The following STK3 variants were observed in gnomAD, a reference collection of about 807,000 sequenced individuals.
STK3 encodes serine/threonine-protein kinase 3.
STK3 carries 41 observed loss-of-function variants against 58.0 expected under a neutral mutation model. The ratio of observed to expected loss-of-function variants is 0.71; its 90% confidence interval spans 0.55 to 0.92. STK3 has a LOEUF of 0.92. Among genes scored for constraint, STK3 ranks in the 40% least tolerant of loss-of-function variants. STK3 has a pLI of 0.00. For synonymous variants in STK3, 170 were observed against 191.0 expected, an observed-to-expected ratio of 0.89 and a Z score of 0.91; for missense variants, 479 against 602.7, an observed-to-expected ratio of 0.79 and a Z score of 2.15.
intron 8 of STK3, among the ~76,000 whole-genome samples, chr8:98,572,279 C>T (rs1042543842): frequency 2.0e-5 from 3 of 152,132 alleles, no homozygotes; most frequent in African/African-American, 7.2e-5. Context: ...TAAACTAGTA[C>T]TAACTGCACA....
At chr8:98,599,676 A>G (rs1816165415) in intron 6 of STK3, among the ~76,000 whole-genome samples, 1 of 152,190 alleles carries the variant, frequency 6.6e-6, no homozygotes, top group Non-Finnish European at 1.5e-5. Context: ...TGTTAATATA[A>G]AAATGTGAAT....
At chr8:98,932,433 A>G (rs1234226390) in intron 1 of STK3, among the ~76,000 whole-genome samples, 1 of 152,220 alleles carries the variant, frequency 6.6e-6, no homozygotes, top group East Asian at 1.9e-4. Flanking sequence ...AGAGCAAGTC[A>G]AGTATATAAC....
intron 3 of STK3, among the ~76,000 whole-genome samples, chr8:98,858,321 T>TAGAGAG (rs1404140117): frequency 0.01 from 324 of 31,844 alleles, 3 homozygotes; most frequent in South Asian, 0.022. Flanking sequence ...TATATATATA[T>TAGAGAG]ATAGAGAGAG....
At chr8:98,835,517 T>TG (rs1835714179) in intron 3 of STK3, among the ~76,000 whole-genome samples, 1 of 152,226 alleles carries the variant, frequency 6.6e-6, no homozygotes, top group Non-Finnish European at 1.5e-5. Flanking sequence ...CATCAGCCTT[T>TG]GGTTCCTGCA....
At chr8:98,736,830 T>C (rs1038372028) in intron 4 of STK3, among the ~76,000 whole-genome samples, 1 of 152,182 alleles carries the variant, frequency 6.6e-6, no homozygotes, top group African/African-American at 2.4e-5. Context: ...AAGCTCACTA[T>C]ATATAAATAT....
At chr8:98,858,502 T>A (rs1836799709) in intron 3 of STK3, among the ~76,000 whole-genome samples, 1 of 150,880 alleles carries the variant, frequency 6.6e-6, no homozygotes, top group Non-Finnish European at 1.5e-5. Context: ...TGTACCTGTA[T>A]CTTATGTTTA....
At chr8:98,620,613 AT>A (rs1469600458) in intron 6 of STK3, among the ~76,000 whole-genome samples, 3 of 151,648 alleles carry the variant, frequency 2.0e-5, no homozygotes, top group Non-Finnish European at 4.4e-5. Flanking sequence ...TGTAGGACAC[AT>A]GCTGCTACTT....
chr8:98,641,883 C>A (rs536477432), intron 6 of STK3, among the ~76,000 whole-genome samples: 1 of 152,264 alleles, frequency 6.6e-6, no homozygotes, highest in South Asian at 2.1e-4. Context: ...CCCAATACAG[C>A]TTTATATCTA....
chr8:98,912,364 TGA>T (rs1839173203), intron 1 of STK3, among the ~76,000 whole-genome samples: 2 of 150,864 alleles, frequency 1.3e-5, no homozygotes, highest in African/African-American at 2.4e-5. Context: ...GGTGACAGAG[TGA>T]GACTGCATCT....
chr8:98,609,069 C>A (rs1816979490), intron 6 of STK3, among the ~76,000 whole-genome samples: 1 of 152,164 alleles, frequency 6.6e-6, no homozygotes, highest in African/African-American at 2.4e-5. Flanking sequence ...GCCAACTGAT[C>A]TTCCTTAGAA....
chr8:98,740,741 A>C (rs184629224), intron 4 of STK3, among the ~76,000 whole-genome samples: 3 of 152,342 alleles, frequency 2.0e-5, no homozygotes, highest in Admixed American at 6.5e-5. Flanking sequence ...TTCACATATA[A>C]CAATATTAAC....
At chr8:98,685,967 A>G (rs1212698204) in intron 6 of STK3, among the ~76,000 whole-genome samples, 1 of 152,222 alleles carries the variant, frequency 6.6e-6, no homozygotes, top group East Asian at 1.9e-4. Flanking sequence ...ATATGATCTT[A>G]TGTAATTTGA....
downstream of STK3, among the ~76,000 whole-genome samples, chr8:98,453,565 G>A (rs548510090): frequency 1.3e-5 from 2 of 152,234 alleles, no homozygotes; most frequent in Non-Finnish European, 2.9e-5. Flanking sequence ...AAATATATGT[G>A]TGTATTTGTG....
chr8:98,737,100 T>C (rs1042822305), intron 4 of STK3, among the ~76,000 whole-genome samples: 9 of 152,208 alleles, frequency 5.9e-5, no homozygotes, highest in African/African-American at 2.2e-4. Flanking sequence ...ATTAACAATT[T>C]AAAGATAAGC....
In STK3 at chr8:98,533,950, C is replaced by A. The variant is rs1165756931; in HGVS notation, c.1142-7033G>T. Among the ~76,000 whole-genome samples the A allele has an allele frequency of 2.6e-5, 4 of 152,252 alleles. No homozygotes were observed. In the East Asian group the frequency reaches 7.7e-4, roughly 29 times the overall value. On this transcript the variant is annotated intron_variant, in intron 9 of 10. Coordinates refer to ENST00000419617, the MANE Select transcript of STK3 (RefSeq NM_006281.4). ...GATGTTGAATACCTATGAACAACAG[C>A]AGGAGCCATGGTTTTTCATCATTAC...
At chr8:98,710,339 G>A (rs947842570) in intron 4 of STK3, among the ~76,000 whole-genome samples, 9 of 152,162 alleles carry the variant, frequency 5.9e-5, no homozygotes, top group African/African-American at 1.4e-4. Context: ...GAAGCAGGGC[G>A]GGGCATCACC....
upstream of STK3, among the ~76,000 whole-genome samples, chr8:98,829,811 C>A (rs570376132): frequency 8.5e-5 from 13 of 152,238 alleles, no homozygotes; most frequent in African/African-American, 3.1e-4. Context: ...AAAATCCCTG[C>A]CTTCAGGGGA....
intron 1 of STK3, among the ~76,000 whole-genome samples, chr8:98,903,550 CTT>C (rs1838757021): frequency 2.2e-4 from 4 of 18,416 alleles, no homozygotes; most frequent in Admixed American, 8.7e-4. Flanking sequence ...TCTTCTTCTT[CTT>C]CTTCCTTTTT....
At chr8:98,729,780 G>A (rs1379917246) in intron 4 of STK3, among the ~76,000 whole-genome samples, 1 of 152,206 alleles carries the variant, frequency 6.6e-6, no homozygotes, top group African/African-American at 2.4e-5. Context: ...TTAAGTCACA[G>A]AGAAGTTTAA....
Sources: gnomAD v4.1 joint callset for allele counts (sites outside exome capture counted in the v4.1 genomes callset) on GRCh38, gnomAD v4.1.1 for gene constraint, MANE v1.5 for transcripts, NCBI Gene and HGNC (gene_info 2026-07-23, HGNC 2026-07-21) for gene names.